The following NTNG1 variants were observed in gnomAD, a reference collection of about 807,000 sequenced individuals.
NTNG1 encodes the protein netrin-G1.
In NTNG1, 16 loss-of-function variants were observed where a neutral mutation model predicts 54.0. The observed-to-expected ratio is 0.30, with a 90% confidence interval of 0.20 to 0.45. NTNG1 has a LOEUF of 0.45. Ranked by LOEUF, NTNG1 falls within the 20% of genes least tolerant of loss-of-function variation. The pLI is 1.00. For missense variants in NTNG1, 530 were observed against 678.7 expected, an observed-to-expected ratio of 0.78 and a Z score of 2.43; for synonymous variants, 255 against 263.1, an observed-to-expected ratio of 0.97 and a Z score of 0.30.
chr1:107,225,962 C>T (rs1410811969), intron 2 of NTNG1, among the ~76,000 whole-genome samples: 2 of 152,168 alleles, frequency 1.3e-5, no homozygotes, highest in Non-Finnish European at 2.9e-5. Flanking sequence ...CTGTTCCAAG[C>T]ACCTGCCAAG....
chr1:107,283,652 G>C (rs1179857784), intron 2 of NTNG1, among the ~76,000 whole-genome samples: 1 of 152,142 alleles, frequency 6.6e-6, no homozygotes, highest in Non-Finnish European at 1.5e-5. Context: ...ATCTGACCCA[G>C]AGACTTGGTA....
intron 3 of NTNG1, among the ~76,000 whole-genome samples, chr1:107,332,504 C>T (rs1668343977): frequency 6.6e-6 from 1 of 152,102 alleles, no homozygotes; most frequent in South Asian, 2.1e-4. Flanking sequence ...CCAGCTTCTG[C>T]AGCCCTGTTT....
intron 4 of NTNG1, among the ~76,000 whole-genome samples, chr1:107,397,989 C>T (rs949877027): frequency 1.1e-4 from 17 of 152,096 alleles, no homozygotes; most frequent in African/African-American, 3.4e-4. Context: ...CACACACACA[C>T]ACTCACATGA....
chr1:107,226,072 GC>G (rs748076263), intron 2 of NTNG1, among the ~76,000 whole-genome samples: 32 of 152,202 alleles, frequency 2.1e-4, no homozygotes, highest in Non-Finnish European at 4.3e-4. Context: ...TAAGTATCTT[GC>G]CCAAAGTTAT....
intron 2 of NTNG1, among the ~76,000 whole-genome samples, chr1:107,175,400 G>A (rs1256731065): frequency 6.6e-6 from 1 of 152,086 alleles, no homozygotes; most frequent in Non-Finnish European, 1.5e-5. Flanking sequence ...AGGATAAATT[G>A]TTTGTTTCCC....
intron 2 of NTNG1, among the ~76,000 whole-genome samples, chr1:107,182,333 T>C (rs1452986875): frequency 6.6e-6 from 1 of 152,152 alleles, no homozygotes; most frequent in Non-Finnish European, 1.5e-5. Flanking sequence ...TTAATGATAC[T>C]GCCAGTAATA....
intron 2 of NTNG1, among the ~76,000 whole-genome samples, chr1:107,270,189 TC>T (rs1455319874): frequency 6.6e-6 from 1 of 152,258 alleles, no homozygotes; most frequent in Non-Finnish European, 1.5e-5. Flanking sequence ...TGCTGTATAT[TC>T]TTTTATTATT....
At chr1:107,152,083 T>C (rs931618933) in intron 2 of NTNG1, among the ~76,000 whole-genome samples, 17 of 152,034 alleles carry the variant, frequency 1.1e-4, no homozygotes, top group East Asian at 3.9e-4. Context: ...TATATACATG[T>C]ATATACACAT....
intron 2 of NTNG1, among the ~76,000 whole-genome samples, chr1:107,283,476 A>C (rs145080015): frequency 2.8e-4 from 42 of 152,338 alleles, no homozygotes; most frequent in Non-Finnish European, 5.6e-4. Flanking sequence ...TGTTAGTGCA[A>C]ATAACCTTGT....
Position 107,201,892 on chromosome 1 carries a change from T to C in NTNG1, c.246+53053T>C, listed in dbSNP as rs1658784257. Among the ~76,000 whole-genome samples, 4 of 151,926 alleles carry C rather than the reference T, an allele frequency of 2.6e-5. No individual in the cohort carries two copies. The South Asian group carries it at 8.3e-4, about 31-fold the overall frequency. On this transcript the variant is annotated intron_variant, in intron 2 of 7. Coordinates refer to ENST00000370068, the MANE Select transcript of NTNG1 (RefSeq NM_001113226.3). The stretch of plus-strand genomic sequence containing the variant: ...TTTAAGGAAGAACTCAAATGCTACT[T>C]ACTCCATGAAATGATCCTTCACATT...
chr1:107,180,675 T>G (rs1428058515), intron 2 of NTNG1, among the ~76,000 whole-genome samples: 1 of 152,172 alleles, frequency 6.6e-6, no homozygotes, highest in African/African-American at 2.4e-5. Context: ...TTGCCTTTAT[T>G]TTGTAACATT....
At chr1:107,310,713 G>A (rs1471431053) in intron 2 of NTNG1, among the ~76,000 whole-genome samples, 4 of 151,970 alleles carry the variant, frequency 2.6e-5, no homozygotes, top group Non-Finnish European at 4.4e-5. Context: ...GAAAATCTTG[G>A]GGGGGAAAGA....
At chr1:107,395,385 C>A in intron 4 of NTNG1, 59 bp downstream of exon 4, 1 of 1,448,128 alleles carries the variant, frequency 6.9e-7, no homozygotes, top group Non-Finnish European at 9.7e-7. Context: ...TAGTTCCTCT[C>A]AATTTTGCTT....
chr1:107,148,980 T>C, intron 2 of NTNG1, 141 bp downstream of exon 2: 1 of 812,842 alleles, frequency 1.2e-6, no homozygotes, highest in Non-Finnish European at 2.0e-6. Flanking sequence ...GCTAGTTTCT[T>C]TCTCAGTGGA....
At chr1:107,321,481 A>C (rs116332942) in intron 2 of NTNG1, among the ~76,000 whole-genome samples, 46 of 152,124 alleles carry the variant, frequency 3.0e-4, no homozygotes, top group African/African-American at 1.1e-3. Context: ...CTATGCCTTC[A>C]TTAAAGAACT....
chr1:107,349,698 T>G (rs1333275945), intron 3 of NTNG1, among the ~76,000 whole-genome samples: 1 of 152,138 alleles, frequency 6.6e-6, no homozygotes, highest in Non-Finnish European at 1.5e-5. Flanking sequence ...ATTGTTTAGG[T>G]TAGTTTTAAG....
intron 2 of NTNG1, among the ~76,000 whole-genome samples, chr1:107,232,777 T>A (rs1661160231): frequency 6.6e-6 from 1 of 152,174 alleles, no homozygotes; most frequent in Admixed American, 6.5e-5. Context: ...AATTGTCCAA[T>A]CTCATGTTTT....
Position 107,210,198 on chromosome 1 carries a change from G to A in NTNG1, c.246+61359G>A, listed in dbSNP as rs186120026. 2.5e-3 allele frequency among the ~76,000 whole-genome samples: 380 copies of A among 152,178 alleles called. 4 individuals carry two copies. The highest frequency in any genetic ancestry group is 8.4e-3 in the African/African-American group (348 of 41,536). On this transcript the variant is annotated intron_variant, in intron 2 of 7. Coordinates refer to ENST00000370068, the MANE Select transcript of NTNG1 (RefSeq NM_001113226.3). ...GCAGAGGAGTTTGGGGTTTTACCCTGAACACAATAATAAAATAATGAATTT... is the reference window on the plus strand; with the variant it reads ...GCAGAGGAGTTTGGGGTTTTACCCTAAACACAATAATAAAATAATGAATTT...
chr1:107,354,010 T>A (rs1669784252), intron 3 of NTNG1, among the ~76,000 whole-genome samples: 1 of 152,050 alleles, frequency 6.6e-6, no homozygotes, highest in Admixed American at 6.5e-5. Context: ...TCCAATCACC[T>A]CCCACAAGGC....
Sources: allele counts gnomAD v4.1 joint callset (sites outside exome capture counted in the v4.1 genomes callset), GRCh38; gene constraint gnomAD v4.1.1; transcripts MANE v1.5; gene names NCBI Gene and HGNC (gene_info 2026-07-23, HGNC 2026-07-21).